CCSER2: variants seen among roughly 807,000 people sequenced by gnomAD.
The protein encoded by CCSER2 is serine-rich coiled-coil domain-containing protein 2.
CCSER2 carries 46 observed loss-of-function variants against 92.3 expected under a neutral mutation model. The ratio of observed to expected loss-of-function variants is 0.50; its 90% CI spans 0.39 to 0.64. The LOEUF (loss-of-function observed/expected upper bound fraction) is 0.64, where lower values mean the gene tolerates loss of function less well. Ranked by LOEUF, CCSER2 falls within the 30% of genes least tolerant of loss-of-function variation. CCSER2 has a pLI of 0.00. For missense variants in CCSER2, 1,244 were observed against 1,238.9 expected, an observed-to-expected ratio of 1.00 and a Z score of -0.06; for synonymous variants, 433 against 431.4, an observed-to-expected ratio of 1.00 and a Z score of -0.04.
chr10:84,355,418 A>G (rs1845111410), intron 1 of CCSER2, among the ~76,000 whole-genome samples: 1 of 151,800 alleles, frequency 6.6e-6, no homozygotes, highest in Admixed American at 6.6e-5. Flanking sequence ...CTTTATTTCT[A>G]TTTACCATTT....
At chr10:84,347,478 C>G (rs1160660224) in intron 1 of CCSER2, among the ~76,000 whole-genome samples, 2 of 148,992 alleles carry the variant, frequency 1.3e-5, no homozygotes, top group Non-Finnish European at 3.0e-5. Context: ...ACCTCCCTCC[C>G]GGACTGGGTG....
At chr10:84,476,340 T>C (rs1847134094) in intron 8 of CCSER2, among the ~76,000 whole-genome samples, 1 of 152,116 alleles carries the variant, frequency 6.6e-6, no homozygotes, top group Non-Finnish European at 1.5e-5. Flanking sequence ...AAGAATTTTT[T>C]AGTTTCCTAT....
At position 84,514,203 on chromosome 10, in the gene CCSER2, T is replaced by G; in HGVS notation, c.3080T>G (p.Leu1027Trp). ...ATCATGCAGAATCCAAATGGCAATT[T>G]GCATTCTGGGGATTGTTTGGCCTCT... is the stretch of plus-strand genomic sequence containing the variant. ...KEIMQNPNGN[L>W]HSGDCLASNR... The change falls in exon 10 of 10, where the codon TTG becomes TGG. Residue 1027 changes from leucine to tryptophan, a missense_variant. By Grantham distance (61) the Leu-to-Trp change is moderately conservative. Coordinates refer to ENST00000372088, the MANE Select transcript of CCSER2 (RefSeq NM_001284240.2). 6.5e-7 allele frequency: 1 copy of G among 1,536,512 alleles called. No homozygotes were observed. Among genetic ancestry groups the G allele is most frequent in the South Asian group, 1.2e-5 (1 of 84,058 alleles).
chr10:84,386,375 G>C (rs996440359), intron 3 of CCSER2, among the ~76,000 whole-genome samples: 1 of 152,220 alleles, frequency 6.6e-6, no homozygotes, highest in African/African-American at 2.4e-5. Flanking sequence ...ATTGGATAAA[G>C]AAAATGTGGT....
At chr10:84,506,627 A>G (rs537839522) in intron 9 of CCSER2, among the ~76,000 whole-genome samples, 1 of 151,628 alleles carries the variant, frequency 6.6e-6, no homozygotes, top group East Asian at 1.9e-4. Context: ...CCCCGTCTCT[A>G]CTAAAAATAC....
At chr10:84,470,680 C>A (rs1399441686) in intron 8 of CCSER2, among the ~76,000 whole-genome samples, 4 of 151,848 alleles carry the variant, frequency 2.6e-5, no homozygotes, top group Admixed American at 6.6e-5. Context: ...ATTCAGCGAC[C>A]TCAGTTTTGG....
chr10:84,409,547 G>A (rs549054747), intron 3 of CCSER2, among the ~76,000 whole-genome samples: 1 of 151,048 alleles, frequency 6.6e-6, no homozygotes, highest in South Asian at 2.1e-4. Context: ...TTCTGTACAT[G>A]CTGTTTTAGA....
At chr10:84,442,976 C>T (rs1589678590) in intron 6 of CCSER2, among the ~76,000 whole-genome samples, 1 of 152,148 alleles carries the variant, frequency 6.6e-6, no homozygotes, top group African/African-American at 2.4e-5. Flanking sequence ...CCCTTCCTTA[C>T]ACCTTATACA....
intron 9 of CCSER2, among the ~76,000 whole-genome samples, chr10:84,487,341 G>A (rs1031246980): frequency 3.3e-5 from 5 of 152,138 alleles, no homozygotes; most frequent in Non-Finnish European, 1.5e-5. Flanking sequence ...AGGCAGTAAG[G>A]CCATTTTCAT....
intron 9 of CCSER2, among the ~76,000 whole-genome samples, chr10:84,489,649 G>T (rs574144150): frequency 6.6e-6 from 1 of 152,032 alleles, no homozygotes; most frequent in African/African-American, 2.4e-5. Flanking sequence ...ACATGAGATC[G>T]GTCTCCTGAA....
At chr10:84,449,503 G>A (rs1311850594) in intron 6 of CCSER2, among the ~76,000 whole-genome samples, 4 of 152,174 alleles carry the variant, frequency 2.6e-5, no homozygotes, top group African/African-American at 7.2e-5. Context: ...ATAATAGAAT[G>A]TAATAGCTCT....
At chr10:84,438,112 AGCATC>A (rs1466952517) in intron 5 of CCSER2, among the ~76,000 whole-genome samples, 2 of 152,240 alleles carry the variant, frequency 1.3e-5, no homozygotes, top group African/African-American at 4.8e-5. Flanking sequence ...TAATGTTGGT[AGCATC>A]GTTATGGGGC....
In CCSER2 at chr10:84,515,906, A is replaced by G. The variant is rs959958803; in HGVS notation, c.*1639A>G. The G allele has an allele frequency of 3.9e-5, 6 of 152,196 alleles. No individual in the cohort carries two copies. The highest frequency in any genetic ancestry group is 1.4e-4 in the African/African-American group (6 of 41,442). 9.4% of individuals were successfully genotyped at this position (152,196 alleles called of 1,614,324 possible). On this transcript the variant is annotated 3_prime_UTR_variant, in exon 10 of 10. Transcript: ENST00000372088. ...TATGCTTTGGGTCACTTGTCAGTTC[A>G]GTAAATCTGCCTTCCTCTTCTCCCA... is the stretch of plus-strand genomic sequence containing the variant.
intron 3 of CCSER2, among the ~76,000 whole-genome samples, chr10:84,416,012 T>C: frequency 6.6e-6 from 1 of 152,174 alleles, no homozygotes; most frequent in Non-Finnish European, 1.5e-5. Flanking sequence ...AACTCATGTA[T>C]CTCTGTGTGT....
At chr10:84,408,465 C>T (rs1312217386) in intron 3 of CCSER2, among the ~76,000 whole-genome samples, 5 of 151,862 alleles carry the variant, frequency 3.3e-5, no homozygotes, top group African/African-American at 4.8e-5. Flanking sequence ...TCTTTCCTTC[C>T]GTGTTCCTCT....
In CCSER2 at chr10:84,371,770, A is replaced by G; in HGVS notation, c.718A>G (p.Arg240Gly). 1 of 1,613,736 alleles carries G rather than the reference A, an allele frequency of 6.2e-7. No individual in the cohort carries two copies. Among genetic ancestry groups the G allele is most frequent in the Non-Finnish European group, 8.5e-7 (1 of 1,179,760 alleles). Reference protein sequence around the residue: ...NSFLPPSSITRSHSFNRAVDL... With the variant: ...NSFLPPSSITGSHSFNRAVDL... ...ATTCCTTCCACCTTCATCTATAACC[A>G]GATCACATTCCTTTAATAGAGCTGT... is the stretch of plus-strand genomic sequence containing the variant. Residue 240 changes from arginine (R) to glycine (G), a missense_variant, in exon 2 of 10, where the codon AGA (arginine) becomes GGA (glycine). Physicochemically the swap from Arg to Gly is moderately radical, Grantham distance 125. Coordinates refer to ENST00000372088, the MANE Select transcript of CCSER2 (RefSeq NM_001284240.2).
intron 7 of CCSER2, among the ~76,000 whole-genome samples, chr10:84,466,754 C>G (rs1260202682): frequency 1.3e-5 from 2 of 151,832 alleles, no homozygotes; most frequent in African/African-American, 4.8e-5. Context: ...ACCTCGTGAT[C>G]CGTCCGCCTC....
At chr10:84,342,294 A>T (rs1410818158) in intron 1 of CCSER2, among the ~76,000 whole-genome samples, 1 of 152,234 alleles carries the variant, frequency 6.6e-6, no homozygotes, top group Admixed American at 6.5e-5. Flanking sequence ...ATCATATCAC[A>T]GTATCACAGG....
At chr10:84,439,381 T>TA (rs565313065) in intron 6 of CCSER2, among the ~76,000 whole-genome samples, 78 of 152,316 alleles carry the variant, frequency 5.1e-4, no homozygotes, top group African/African-American at 1.8e-3. Context: ...AAGTCATAGA[T>TA]ACCTTTCGTT....
Sources: gnomAD v4.1 joint callset for allele counts (sites outside exome capture counted in the v4.1 genomes callset) on GRCh38, gnomAD v4.1.1 for gene constraint, MANE v1.5 for transcripts, NCBI Gene and HGNC (gene_info 2026-07-23, HGNC 2026-07-21) for gene names.